The following CEP44 variants were observed in gnomAD, a reference collection of about 807,000 sequenced individuals.
CEP44 encodes centrosomal protein of 44 kDa.
A neutral mutation model predicts 46.7 loss-of-function variants in CEP44; 45 were observed. That is an observed-to-expected ratio of 0.96 (90% CI 0.76 to 1.24). The LOEUF is 1.24. CEP44 is among the 50% of genes most tolerant of loss of function. CEP44 has a pLI of 0.00. For synonymous variants in CEP44, 142 were observed against 146.0 expected (o/e 0.97, Z 0.20); for missense variants, 475 against 459.7 (o/e 1.03, Z -0.30).
chr4:174,295,652 G>A (rs1191385474), intron 1 of CEP44, among the ~76,000 whole-genome samples: 2 of 152,214 alleles, frequency 1.3e-5, no homozygotes, highest in Middle Eastern at 3.4e-3. Flanking sequence ...GGAGGTGGAG[G>A]TTGTAGCGAG....
intron 1 of CEP44, among the ~76,000 whole-genome samples, chr4:174,291,052 T>C (rs2126508392): frequency 6.6e-6 from 1 of 152,298 alleles, no homozygotes; most frequent in Middle Eastern, 3.4e-3. Context: ...TTAGAGTCTC[T>C]TGTAGATAGC....
At position 174,301,570 on chromosome 4, in the gene CEP44, A is replaced by T. The variant is rs560431215; in HGVS notation, c.90-469A>T. Among the ~76,000 whole-genome samples the T allele has an allele frequency of 1.1e-4, 17 of 152,236 alleles. No homozygotes were observed. Among genetic ancestry groups the T allele is most frequent in the Non-Finnish European group, 2.5e-4 (17 of 68,026 alleles). ...AAGTAATAGACTGGTCAACCAAGTCACAGTTCATGCTTTTTCCCATCCCAT... is the reference window on the plus strand; with the variant it reads ...AAGTAATAGACTGGTCAACCAAGTCTCAGTTCATGCTTTTTCCCATCCCAT... On this transcript the variant is annotated intron_variant, in intron 3 of 11. Transcript: ENST00000503780. The surrounding 1 kb of genome is among the most constrained non-coding windows in gnomAD (Gnocchi z 4.3).
intron 1 of CEP44, among the ~76,000 whole-genome samples, chr4:174,295,040 C>A (rs1255852958): frequency 3.5e-5 from 5 of 142,478 alleles, no homozygotes; most frequent in Non-Finnish European, 7.6e-5. Context: ...CTGACCCCCC[C>A]ACCTCCCTCC....
rs1186586669 is a variant in CEP44, at chr4:174,297,520, A to G, written c.-147-446A>G. Among the ~76,000 whole-genome samples, 1 of 152,146 alleles carries G rather than the reference A, an allele frequency of 6.6e-6. No individual in the cohort carries two copies. The highest frequency in any genetic ancestry group is 2.4e-5 in the African/African-American group (1 of 41,436). ...CCCTTTTCAATGGGGATTTTCCTCAAATGTCAGAAATGTGATACTTTTTTC... is the reference window on the plus strand; with the variant it reads ...CCCTTTTCAATGGGGATTTTCCTCAGATGTCAGAAATGTGATACTTTTTTC... On this transcript the variant is annotated intron_variant, in intron 1 of 11. Transcript: ENST00000503780. This position sits in a 1 kb window ranked among gnomAD's most constrained non-coding sequence, Gnocchi z 4.3.
At chr4:174,306,928 C>T (rs907772529) in intron 6 of CEP44, among the ~76,000 whole-genome samples, 1 of 151,964 alleles carries the variant, frequency 6.6e-6, no homozygotes. Flanking sequence ...TCTCTACAAG[C>T]AAAACTATAA....
At chr4:174,315,560 T>A (rs1741576775) in intron 9 of CEP44, among the ~76,000 whole-genome samples, 1 of 152,036 alleles carries the variant, frequency 6.6e-6, no homozygotes. Flanking sequence ...AGTAAAAAAA[T>A]TTGTGAAATG....
Position 174,318,673 on chromosome 4 carries a change from T to G in CEP44, c.*1290T>G, listed in dbSNP as rs1206442203. ...TTTATTCATCTATTTATGGTATGTATGTATAATTCTATATTACACTGTCAA... is the reference window on the plus strand; with the variant it reads ...TTTATTCATCTATTTATGGTATGTAGGTATAATTCTATATTACACTGTCAA... On this transcript the variant is annotated 3_prime_UTR_variant, in exon 12 of 12. Coordinates refer to ENST00000503780, the MANE Select transcript of CEP44 (RefSeq NM_001040157.3). 1.8e-6 allele frequency: 1 copy of G among 571,210 alleles called. No individual in the cohort carries two copies. 35.4% of individuals were successfully genotyped at this position (571,210 alleles called of 1,614,324 possible). A position where few individuals can be genotyped will look rare whatever the true frequency, so the allele number is the denominator to read the frequency against.
Position 174,319,361 on chromosome 4 carries a change from A to G in CEP44, c.*1978A>G, listed in dbSNP as rs990827369. The G allele has an allele frequency of 1.0e-6, 1 of 985,048 alleles. No individual in the cohort carries two copies. Among genetic ancestry groups the G allele is most frequent in the African/African-American group, 1.7e-5 (1 of 57,244 alleles). 61.0% of individuals were successfully genotyped at this position (985,048 alleles called of 1,614,324 possible). A position where few individuals can be genotyped will look rare whatever the true frequency, so the allele number is the denominator to read the frequency against. The stretch of plus-strand genomic sequence containing the variant: ...ATCAGTACCAGCATGGAATTATAGC[A>G]CCACCTTGTGGTTAACATGCCAGTA... On this transcript the variant is annotated 3_prime_UTR_variant, in exon 12 of 12. Transcript: ENST00000503780.
intron 1 of CEP44, among the ~76,000 whole-genome samples, chr4:174,293,487 C>G (rs1467322768): frequency 6.6e-6 from 1 of 152,134 alleles, no homozygotes; most frequent in Non-Finnish European, 1.5e-5. Flanking sequence ...TGATTTCTTT[C>G]ATAGTTTTGT....
In CEP44 at chr4:174,304,361, T is replaced by G; in HGVS notation, c.499T>G (p.Ser167Ala). The change falls in exon 6 of 12, where the codon TCA (serine) becomes GCA (alanine). Residue 167 changes from serine to alanine, a missense_variant. Transcript: ENST00000503780. ...GVDISGRFMT[S>A]GKKKAVVIRH... ...TGATATCAGTGGCAGGTTTATGACC[T>G]CAGGAAAGGTATGCAACCACAAAGA... is the stretch of plus-strand genomic sequence containing the variant. The G allele has an allele frequency of 6.2e-7, 1 of 1,607,224 alleles. No individual in the cohort carries two copies. Among genetic ancestry groups the G allele is most frequent in the Non-Finnish European group, 8.5e-7 (1 of 1,178,284 alleles).
chr4:174,298,471 A>G lies in CEP44; in HGVS notation c.-51+409A>G, dbSNP rs538487270. On this transcript the variant is annotated intron_variant, in intron 2 of 11. Transcript: ENST00000503780. ...ATTACAGGCGTGAGCCACCGCGCCC[A>G]GCCATGATTTTTAATTATTTACTTT... Among the ~76,000 whole-genome samples the G allele has an allele frequency of 1.3e-3, 193 of 152,312 alleles. 2 individuals are homozygous for G. The highest frequency in any genetic ancestry group is 4.3e-3 in the African/African-American group (177 of 41,566).
intron 1 of CEP44, among the ~76,000 whole-genome samples, chr4:174,291,312 T>C (rs1393589641): frequency 6.6e-6 from 1 of 152,086 alleles, no homozygotes; most frequent in Non-Finnish European, 1.5e-5. Flanking sequence ...ACTTTTTATT[T>C]TGGTTACTAT....
At position 174,302,206 on chromosome 4, in the gene CEP44, C is replaced by G; in HGVS notation, c.237+20C>G. The G allele has an allele frequency of 2.0e-6, 3 of 1,503,708 alleles. No individual in the cohort carries two copies. Among genetic ancestry groups the G allele is most frequent in the South Asian group, 1.2e-5 (1 of 82,624 alleles). The allele number at this position is 1,503,708 out of a possible 1,614,324, so 93.1% of individuals were successfully genotyped here. On this transcript the variant is annotated intron_variant, in intron 4 of 11. Coordinates refer to ENST00000503780, the MANE Select transcript of CEP44 (RefSeq NM_001040157.3). ...TATAAGGTATTTTGAGTTTATCAAACAATAACTATTAGTTATTGAATGATT... is the reference window on the plus strand; with the variant it reads ...TATAAGGTATTTTGAGTTTATCAAAGAATAACTATTAGTTATTGAATGATT...
chr4:174,314,605 A>T lies in CEP44; in HGVS notation c.962-1561A>T, dbSNP rs1343641777. ...AAAGAGAGCCATTCCTTCACCCTTT[A>T]TCTGTCTTCCCGGACCTGTTTCCTT... On this transcript the variant is annotated intron_variant, in intron 9 of 11. Coordinates refer to ENST00000503780, the MANE Select transcript of CEP44 (RefSeq NM_001040157.3). This position sits in a 1 kb window ranked among gnomAD's most constrained non-coding sequence, Gnocchi z 4.1. Among the ~76,000 whole-genome samples the T allele has an allele frequency of 1.3e-5, 2 of 152,056 alleles. No homozygotes were observed. The highest frequency in any genetic ancestry group is 1.9e-4 in the East Asian group (1 of 5,188).
chr4:174,327,356 A>C (rs1742746817), intron 8 of CEP44, among the ~76,000 whole-genome samples: 1 of 151,872 alleles, frequency 6.6e-6, no homozygotes, highest in Non-Finnish European at 1.5e-5. Context: ...CGTGTTAGGA[A>C]GACTCAATAC....
chr4:174,329,749 A>G lies in CEP44; in HGVS notation c.1087-1733A>G, dbSNP rs1731216276. Among the ~76,000 whole-genome samples, 1 of 152,166 alleles carries G rather than the reference A, an allele frequency of 6.6e-6. No homozygotes were observed. Among genetic ancestry groups the G allele is most frequent in the Admixed American group, 6.5e-5 (1 of 15,282 alleles). On this transcript the variant is annotated intron_variant, in intron 8 of 8. Coordinates refer to the CEP44 transcript ENST00000426172. The surrounding 1 kb of genome is among the most constrained non-coding windows in gnomAD (Gnocchi z 4.0). Reference sequence around the variant, plus strand: ...TTTAGTTAAAAAAATATTAATGAATATATGTTAACCTTCAGGCTATCATCA... The same window carrying G: ...TTTAGTTAAAAAAATATTAATGAATGTATGTTAACCTTCAGGCTATCATCA...
rs1236004135 is a variant in CEP44 at position 174,317,481 on chromosome 4, G to T, written c.*98G>T. The T allele has an allele frequency of 3.2e-6, 4 of 1,244,378 alleles. No individual in the cohort carries two copies. The highest frequency in any genetic ancestry group is 4.1e-6 in the Non-Finnish European group (4 of 975,892). 77.1% of individuals were successfully genotyped at this position (1,244,378 alleles called of 1,614,324 possible). A position where few individuals can be genotyped will look rare whatever the true frequency, so the allele number is the denominator to read the frequency against. The stretch of plus-strand genomic sequence containing the variant: ...AATTTTAATATACTGCAATACTGCA[G>T]TTTTTGACAATTTGGATTCCATTTG... On this transcript the variant is annotated 3_prime_UTR_variant, in exon 12 of 12. Coordinates refer to ENST00000503780, the MANE Select transcript of CEP44 (RefSeq NM_001040157.3).
In CEP44 at chr4:174,297,482, T is replaced by G. The variant is rs1739177720; in HGVS notation, c.-147-484T>G. Among the ~76,000 whole-genome samples, 1 of 152,204 alleles carries G rather than the reference T, an allele frequency of 6.6e-6. No homozygotes were observed. Among genetic ancestry groups the G allele is most frequent in the African/African-American group, 2.4e-5 (1 of 41,452 alleles). On this transcript the variant is annotated intron_variant, in intron 1 of 11. Transcript: ENST00000503780. The surrounding 1 kb of genome is among the most constrained non-coding windows in gnomAD (Gnocchi z 4.3). ...ATAAGTGAGTTTGCTGCAGGTTTAT[T>G]GGGCAAGACCTGCCCTTTTCAATGG... is the stretch of plus-strand genomic sequence containing the variant.
rs34407356 is a variant in CEP44, at chr4:174,290,243, T to C, written c.-148+6300T>C. Among the ~76,000 whole-genome samples, 61,014 of 151,278 alleles carry C rather than the reference T, an allele frequency of 0.4. 13,084 individuals carry two copies. The highest frequency in any genetic ancestry group is 0.48 in the Non-Finnish European group (32,165 of 67,664). On this transcript the variant is annotated intron_variant, in intron 1 of 11. Coordinates refer to ENST00000503780, the MANE Select transcript of CEP44 (RefSeq NM_001040157.3). The surrounding 1 kb of genome is among the most constrained non-coding windows in gnomAD (Gnocchi z 4.3). Reference sequence around the variant, plus strand: ...TATATGTTTGGGTATACTGTGTTTTTATTATTGTTTGTCTTGAGATATTTT... The same window carrying C: ...TATATGTTTGGGTATACTGTGTTTTCATTATTGTTTGTCTTGAGATATTTT...
Sources: gnomAD v4.1 joint callset for allele counts (sites outside exome capture counted in the v4.1 genomes callset) on GRCh38, gnomAD v4.1.1 for gene constraint, Gnocchi (gnomAD v3.1) non-coding constraint, MANE v1.5 for transcripts, NCBI Gene and HGNC (gene_info 2026-07-23, HGNC 2026-07-21) for gene names.